MCF2L: variants seen among roughly 807,000 people sequenced by gnomAD.
MCF2L encodes guanine nucleotide exchange factor DBS.
Under a neutral mutation model 153.4 loss-of-function variants are expected in MCF2L, and 97 were observed. The observed-to-expected ratio is 0.63, with a 90% CI of 0.54 to 0.75. MCF2L has a LOEUF of 0.75. Ranked by LOEUF, MCF2L falls within the 30% of genes least tolerant of loss-of-function variation. The probability of loss-of-function intolerance (pLI) is 0.00; values close to 1 mark genes in which losing one functional copy is unlikely to be tolerated. For synonymous variants in MCF2L, 659 were observed against 632.2 expected, an observed-to-expected ratio of 1.04 and a Z score of -0.64; for missense variants, 1,347 against 1,495.2, an observed-to-expected ratio of 0.90 and a Z score of 1.64.
rs537630338 is a variant in MCF2L at position 113,090,254 on chromosome 13, G to A, written c.2953+526G>A. 122 of 1,376,162 alleles carry A rather than the reference G, an allele frequency of 8.9e-5. No individual in the cohort carries two copies. The African/African-American group carries it at 1.4e-3, about 16-fold the overall frequency. The allele number at this position is 1,376,162 out of a possible 1,614,324, so 85.2% of individuals were successfully genotyped here. A position where few individuals can be genotyped will look rare whatever the true frequency, so the allele number is the denominator to read the frequency against. The stretch of plus-strand genomic sequence containing the variant: ...TTCGTGCCTCCTTCGTCACAAGGGC[G>A]GCCACGCAAAAGCGTTTCTTTCCAC... On this transcript the variant is annotated intron_variant, in intron 26 of 29. Coordinates refer to ENST00000535094, the MANE Select transcript of MCF2L (RefSeq NM_001112732.3).
chr13:112,899,033 G>A (rs1318063158), intron 1 of MCF2L, among the ~76,000 whole-genome samples: 5 of 152,236 alleles, frequency 3.3e-5, no homozygotes, highest in African/African-American at 1.2e-4. Flanking sequence ...AACCTGCGGA[G>A]AAGCTGGCTC....
At chr13:113,022,471 C>A (rs1208592668) in intron 2 of MCF2L, among the ~76,000 whole-genome samples, 1 of 151,960 alleles carries the variant, frequency 6.6e-6, no homozygotes, top group Non-Finnish European at 1.5e-5. Context: ...CAGGGTCCGC[C>A]CCCAGCTGCC....
chr13:112,940,535 C>T, intron 2 of MCF2L, among the ~76,000 whole-genome samples: 1 of 152,384 alleles, frequency 6.6e-6, no homozygotes, highest in South Asian at 2.1e-4. Flanking sequence ...ATGTGGGTCA[C>T]CTCTCAGTGG....
chr13:112,999,037 GC>G (rs1389101732), intron 1 of MCF2L, among the ~76,000 whole-genome samples: 2 of 152,196 alleles, frequency 1.3e-5, no homozygotes, highest in Non-Finnish European at 2.9e-5. Flanking sequence ...TGTGGTTCGG[GC>G]CACGTGTTCC....
At chr13:113,000,909 A>C (rs974597054) in intron 1 of MCF2L, among the ~76,000 whole-genome samples, 1 of 152,178 alleles carries the variant, frequency 6.6e-6, no homozygotes, top group Admixed American at 6.5e-5. Flanking sequence ...TGACTCCAGC[A>C]GTGGGTGTGA....
chr13:113,086,011 C>G, intron 20 of MCF2L, 113 bp from the exon 21 acceptor site: 1 of 1,176,344 alleles, frequency 8.5e-7, no homozygotes, highest in Non-Finnish European at 1.2e-6. Flanking sequence ...TCCCCACAGA[C>G]CAGGGGAGGG....
upstream of MCF2L, chr13:112,968,643 G>T (rs1334890665): frequency 5.9e-6 from 9 of 1,525,396 alleles, no homozygotes; most frequent in Non-Finnish European, 7.9e-6. Flanking sequence ...GGTGGCATGC[G>T]GCCACACGGA....
chr13:112,955,946 C>A (rs2081751878), intron 2 of MCF2L: 1 of 152,214 alleles, frequency 6.6e-6, no homozygotes, highest in South Asian at 2.1e-4. Flanking sequence ...CAGAGGCATT[C>A]TTCCCTCTGG....
intron 2 of MCF2L, among the ~76,000 whole-genome samples, chr13:112,916,149 A>G (rs1418743572): frequency 1.4e-5 from 2 of 147,932 alleles, no homozygotes; most frequent in East Asian, 3.9e-4. Flanking sequence ...CGGAGGTTGC[A>G]GTGAGCTGAG....
In MCF2L at chr13:112,993,539, G is replaced by A. The variant is rs1483481973; in HGVS notation, c.80-21224G>A. Among the ~76,000 whole-genome samples, 1 of 152,158 alleles carries A rather than the reference G, an allele frequency of 6.6e-6. No individual in the cohort carries two copies. The highest frequency in any genetic ancestry group is 1.9e-4 in the East Asian group (1 of 5,184). On this transcript the variant is annotated intron_variant, in intron 1 of 29. Coordinates refer to ENST00000535094, the MANE Select transcript of MCF2L (RefSeq NM_001112732.3). The surrounding 1 kb of genome is among the most constrained non-coding windows in gnomAD (Gnocchi z 4.6). The stretch of plus-strand genomic sequence containing the variant: ...CGTGGGATGAGGCTCCAGGATCGCA[G>A]CCACAGAAGTGGCAGTGGGAGGGGA...
chr13:112,929,181 GCCATGGAGAA>G (rs1345687419), intron 2 of MCF2L, among the ~76,000 whole-genome samples: 1 of 152,208 alleles, frequency 6.6e-6, no homozygotes, highest in Admixed American at 6.5e-5. Flanking sequence ...GCCTTTTCCT[GCCATGGAGAA>G]ATCAGGGACT....
At chr13:113,092,245 G>A (rs777947812) in intron 26 of MCF2L, among the ~76,000 whole-genome samples, 2 of 152,276 alleles carry the variant, frequency 1.3e-5, no homozygotes, top group Non-Finnish European at 2.9e-5. Context: ...CTTTGGCCAA[G>A]CTCAGCCTCT....
At chr13:112,915,528 G>C (rs1019066919) in intron 2 of MCF2L, among the ~76,000 whole-genome samples, 1 of 151,176 alleles carries the variant, frequency 6.6e-6, no homozygotes, top group Non-Finnish European at 1.5e-5. Flanking sequence ...TCTCATTTCT[G>C]CTTGCCTTCC....
intron 2 of MCF2L, among the ~76,000 whole-genome samples, chr13:113,023,859 G>A (rs1460180811): frequency 6.6e-6 from 1 of 152,308 alleles, no homozygotes; most frequent in East Asian, 1.9e-4. Flanking sequence ...TCAACCCTGG[G>A]TACTGGCCTC....
rs761219530 is a variant in MCF2L, at chr13:113,077,161, C to T, written c.1610C>T (p.Pro537Leu). 1.4e-5 allele frequency: 23 copies of T among 1,610,576 alleles called. No homozygotes were observed. In the East Asian group the frequency reaches 2.9e-4, roughly 20 times the overall value. The change falls in exon 13 of 30, where the codon CCG becomes CTG. Residue 537 changes from proline (P) to leucine (L), a missense_variant. This residue lies in a region of MCF2L where 820 missense variants were observed against 921.2 expected (regional missense o/e 0.89). Coordinates refer to ENST00000535094, the MANE Select transcript of MCF2L (RefSeq NM_001112732.3). ...LAARQTRPVQ[P>L]VAPRPEALAK... ...GCCAGGCAGACGCGGCCCGTGCAGCCGGTGGCCCCCAGACCCGAGGCACTG... is the reference window on the plus strand; with the variant it reads ...GCCAGGCAGACGCGGCCCGTGCAGCTGGTGGCCCCCAGACCCGAGGCACTG...
chr13:112,901,465 T>C (rs910230879), intron 1 of MCF2L, among the ~76,000 whole-genome samples: 2 of 152,216 alleles, frequency 1.3e-5, no homozygotes, highest in African/African-American at 4.8e-5. Context: ...TTAAGTAAAC[T>C]GTTGCTGTCT....
At chr13:112,965,066 G>A (rs949674789), upstream of MCF2L, 2 of 152,282 alleles carry the variant, frequency 1.3e-5, no homozygotes, top group Non-Finnish European at 2.9e-5. Flanking sequence ...TGCGTTTATA[G>A]TTTATGTTAA....
At chr13:112,895,726 C>A (rs1232864527) in intron 1 of MCF2L, among the ~76,000 whole-genome samples, 10 of 152,112 alleles carry the variant, frequency 6.6e-5, no homozygotes, top group African/African-American at 2.2e-4. Flanking sequence ...GCAGGAGACC[C>A]GGGTTTTAAG....
intron 1 of MCF2L, chr13:112,902,049 A>C (rs2140496289): frequency 1.6e-6 from 1 of 635,170 alleles, no homozygotes; most frequent in Non-Finnish European, 2.7e-6. Flanking sequence ...TGACCGGAGA[A>C]GAATGAATTT....
Sources: gnomAD v4.1 joint callset for allele counts (sites outside exome capture counted in the v4.1 genomes callset) on GRCh38, gnomAD v4.1.1 for gene constraint, gnomAD v4.1.1 regional missense constraint, Gnocchi (gnomAD v3.1) non-coding constraint, MANE v1.5 for transcripts, NCBI Gene and HGNC (gene_info 2026-07-23, HGNC 2026-07-21) for gene names.